Variants in FANCA observed in about 807,000 individuals in gnomAD.
FANCA encodes Fanconi anemia group A protein.
Under a neutral mutation model 194.3 loss-of-function variants are expected in FANCA, and 236 were observed. That is an observed-to-expected ratio of 1.21 (90% CI 1.09 to 1.35). The LOEUF (loss-of-function observed/expected upper bound fraction) is 1.35. Among genes scored for constraint, FANCA ranks in the 40% most tolerant of loss-of-function variants. The pLI is 0.00. For synonymous variants in FANCA, 1,014 were observed against 715.8 expected (o/e 1.42, Z -6.65); for missense variants, 2,628 against 1,813.9 (o/e 1.45, Z -8.15).
intron 10 of FANCA, among the ~76,000 whole-genome samples, chr16:89,796,517 G>A (rs1317576425): frequency 1.3e-5 from 2 of 152,192 alleles, no homozygotes; most frequent in Non-Finnish European, 2.9e-5. Context: ...GAATGGAAGG[G>A]ACTAAGGTTT....
chr16:89,816,066 G>T, intron 1 of FANCA, 80 bp from the exon 2 acceptor site: 1 of 1,073,426 alleles, frequency 9.3e-7, no homozygotes, highest in South Asian at 1.3e-5. Flanking sequence ...GGTGGACGCC[G>T]CGGAGAAACC....
chr16:89,762,630 T>C (rs938796718), intron 28 of FANCA: 10 of 277,800 alleles, frequency 3.6e-5, no homozygotes, highest in African/African-American at 2.3e-4. Flanking sequence ...CTATTCACAG[T>C]AGCATACCTT....
At chr16:89,763,723 G>C (rs1386200639) in intron 28 of FANCA, among the ~76,000 whole-genome samples, 2 of 151,944 alleles carry the variant, frequency 1.3e-5, no homozygotes, top group Admixed American at 1.3e-4. Context: ...CAGATCACGA[G>C]GTCAGGAGGT....
At chr16:89,805,145 G>T in intron 7 of FANCA, 135 bp downstream of exon 7, 1 of 708,000 alleles carries the variant, frequency 1.4e-6, no homozygotes, top group Non-Finnish European at 2.6e-6. Context: ...GCTGAGACTG[G>T]GAGTCTGTCA....
intron 11 of FANCA, among the ~76,000 whole-genome samples, chr16:89,793,412 T>C (rs2040142865): frequency 1.3e-5 from 2 of 152,352 alleles, no homozygotes; most frequent in South Asian, 4.1e-4. Context: ...AGGTTATGAT[T>C]ATAGAGCGAG....
rs764533094 is a variant in FANCA, at chr16:89,815,945, G to C, written c.121C>G (p.Gln41Glu). 6.2e-7 allele frequency: 1 copy of C among 1,614,130 alleles called. No individual in the cohort carries two copies. The highest frequency in any genetic ancestry group is 1.1e-5 in the South Asian group (1 of 91,088). Reference sequence around the variant, plus strand: ...CGCACAGCTGATTCCTTTAATTTCTGTGCCCTTTCAGGATTATATTTTTCC... The same window carrying C: ...CGCACAGCTGATTCCTTTAATTTCTCTGCCCTTTCAGGATTATATTTTTCC... The part of the protein sequence containing the change: ...KREKYNPERA[Q>E]KLKESAVRLL... Residue 41 changes from glutamine (Q) to glutamate (E), a missense_variant, in exon 2 of 43, where the codon CAG (glutamine) becomes GAG (glutamate). By Grantham distance (29) the Gln-to-Glu change is conservative. Transcript: ENST00000389301.
chr16:89,801,905 CA>C (rs1226431015), intron 8 of FANCA, among the ~76,000 whole-genome samples: 5 of 146,412 alleles, frequency 3.4e-5, no homozygotes, highest in Admixed American at 1.4e-4. Flanking sequence ...CACAAAAAAA[CA>C]AAAAAAAAAC....
intron 20 of FANCA, among the ~76,000 whole-genome samples, chr16:89,776,825 C>T (rs753940713): frequency 8.6e-5 from 13 of 151,306 alleles, no homozygotes; most frequent in East Asian, 1.9e-4. Flanking sequence ...ACCGAGACTC[C>T]GACTCAAAAA....
At chr16:89,805,176 GGA>G (rs2040592701) in intron 7 of FANCA, 102 bp downstream of exon 7, 1 of 877,528 alleles carries the variant, frequency 1.1e-6, no homozygotes, top group South Asian at 1.4e-5. Context: ...CCACGGCCAC[GGA>G]GAGACAGGCT....
chr16:89,803,208 G>T, intron 8 of FANCA, 51 bp downstream of exon 8: 1 of 1,527,690 alleles, frequency 6.5e-7, no homozygotes, highest in Non-Finnish European at 9.1e-7. Context: ...TCAACACTTG[G>T]AATAAGGACG....
chr16:89,798,234 T>A (rs2040315182), intron 10 of FANCA: 2 of 596,054 alleles, frequency 3.4e-6, no homozygotes, highest in Non-Finnish European at 4.3e-6. Context: ...AACCCAACCC[T>A]AGGGGCACCC....
At chr16:89,814,774 C>T (rs1402966296) in intron 2 of FANCA, among the ~76,000 whole-genome samples, 161 bp from the exon 3 acceptor site, 1 of 150,698 alleles carries the variant, frequency 6.6e-6, no homozygotes. Context: ...AACCCTGTCT[C>T]TACTAAAAAT....
chr16:89,800,822 G>A (rs541679859), intron 8 of FANCA, among the ~76,000 whole-genome samples: 8 of 152,158 alleles, frequency 5.3e-5, no homozygotes, highest in African/African-American at 1.4e-4. Flanking sequence ...CCTGAGGTCA[G>A]GAGTTCTAGA....
chr16:89,784,268 A>C (rs1229415546), intron 15 of FANCA, among the ~76,000 whole-genome samples: 1 of 151,990 alleles, frequency 6.6e-6, no homozygotes, highest in Non-Finnish European at 1.5e-5. Flanking sequence ...ACTACTCAGG[A>C]CGCTGAGGTG....
At position 89,742,948 on chromosome 16, in the gene FANCA, A is replaced by T. The variant is rs560589931; in HGVS notation, c.3627-10T>A. ...CTCAGGGGAGAGGAAACTGGGACAGAGAGAACGGGGTCATTGCAGGGCCTT... is the reference window on the plus strand; with the variant it reads ...CTCAGGGGAGAGGAAACTGGGACAGTGAGAACGGGGTCATTGCAGGGCCTT... On this transcript the variant is annotated splice_polypyrimidine_tract_variant and intron_variant, in intron 36 of 42. Coordinates refer to ENST00000389301, the MANE Select transcript of FANCA (RefSeq NM_000135.4). The T allele has an allele frequency of 2.5e-6, 4 of 1,613,570 alleles. No homozygotes were observed. The East Asian group carries it at 6.7e-5, about 27-fold the overall frequency.
rs2040229770 is a variant in FANCA, at chr16:89,795,909, T to G, written c.1003A>C (p.Lys335Gln). Residue 335 changes from lysine to glutamine, a missense_variant, in exon 11 of 43, where the codon AAA becomes CAA. Transcript: ENST00000389301. ...GCAGCCTCCACACTGGGCCTACCTT[T>G]CAGCACAGGGCTGTGAGTGAGTATC... ...TQILTHSPVL[K>Q]ASDAVQMQRE... The G allele has an allele frequency of 4.3e-6, 7 of 1,612,758 alleles. No homozygotes were observed. Among genetic ancestry groups the G allele is most frequent in the Non-Finnish European group, 5.9e-6 (7 of 1,178,832 alleles).
Position 89,815,929 on chromosome 16 carries a change from G to A in FANCA, c.137C>T (p.Ser46Leu), listed in dbSNP as rs2041098068. Residue 46 changes from serine to leucine, a missense_variant, in exon 2 of 43, where the codon TCA becomes TTA. Coordinates refer to ENST00000389301, the MANE Select transcript of FANCA (RefSeq NM_000135.4). ...ATGGCTTCGCAGGAGGCGCACAGCT[G>A]ATTCCTTTAATTTCTGTGCCCTTTC... is the stretch of plus-strand genomic sequence containing the variant. ...NPERAQKLKESAVRLLRSHQD... is the reference protein window; with the variant it reads ...NPERAQKLKELAVRLLRSHQD... The A allele has an allele frequency of 6.2e-7, 1 of 1,614,146 alleles. No homozygotes were observed. Among genetic ancestry groups the A allele is most frequent in the Non-Finnish European group, 8.5e-7 (1 of 1,179,980 alleles).
chr16:89,806,801 TC>T (rs1293236689), intron 6 of FANCA, among the ~76,000 whole-genome samples: 1 of 151,922 alleles, frequency 6.6e-6, no homozygotes, highest in Non-Finnish European at 1.5e-5. Context: ...TCCCCACCCT[TC>T]CCCCCTTTGT....
At chr16:89,766,235 T>G (rs1019267882) in intron 27 of FANCA, among the ~76,000 whole-genome samples, 1 of 151,812 alleles carries the variant, frequency 6.6e-6, no homozygotes, top group Non-Finnish European at 1.5e-5. Context: ...GACCTCATGA[T>G]CTGCCCGCCT....
Sources: gnomAD v4.1 joint callset for allele counts (sites outside exome capture counted in the v4.1 genomes callset) on GRCh38, gnomAD v4.1.1 for gene constraint, MANE v1.5 for transcripts, NCBI Gene and HGNC (gene_info 2026-07-23, HGNC 2026-07-21) for gene names.